Variants in FHAD1 observed in about 807,000 individuals in gnomAD.
FHAD1 encodes the protein forkhead-associated domain-containing protein 1.
A neutral mutation model predicts 191.3 loss-of-function variants in FHAD1; 146 were observed. The observed-to-expected ratio is 0.76, with a 90% CI of 0.67 to 0.88. FHAD1 has a LOEUF of 0.88. Among genes scored for constraint, FHAD1 ranks in the 40% least tolerant of loss-of-function variants. The pLI is 0.00. For synonymous variants in FHAD1, 616 were observed against 672.3 expected (o/e 0.92, Z 1.29); for missense variants, 1,635 against 1,785.8 (o/e 0.92, Z 1.52).
At chr1:15,379,656 C>G (rs1379205221) in intron 28 of FHAD1, among the ~76,000 whole-genome samples, 2 of 152,342 alleles carry the variant, frequency 1.3e-5, no homozygotes, top group East Asian at 3.9e-4. Flanking sequence ...TGGACAATAC[C>G]TGGCTTTCCT....
chr1:15,287,803 G>A (rs1927180), intron 3 of FHAD1, among the ~76,000 whole-genome samples: 2,594 of 152,238 alleles, frequency 0.017, 101 homozygotes, highest in East Asian at 0.14. Flanking sequence ...CTGCAGCTTG[G>A]AGATTAGGAT....
At chr1:15,356,138 T>C (rs1306299172) in intron 20 of FHAD1, among the ~76,000 whole-genome samples, 2 of 152,196 alleles carry the variant, frequency 1.3e-5, no homozygotes, top group Non-Finnish European at 2.9e-5. Context: ...CTGCTTCGGA[T>C]GCTATTTTTG....
At chr1:15,386,849 C>T (rs1178438702) in intron 31 of FHAD1, among the ~76,000 whole-genome samples, 1 of 144,232 alleles carries the variant, frequency 6.9e-6, no homozygotes, top group African/African-American at 2.6e-5. Flanking sequence ...TCCTTTCTTT[C>T]TTTTTTTTTT....
intron 26 of FHAD1, among the ~76,000 whole-genome samples, chr1:15,371,567 A>AG (rs1389709384): frequency 1.3e-5 from 2 of 152,218 alleles, no homozygotes; most frequent in African/African-American, 4.8e-5. Flanking sequence ...GGTACCCCTC[A>AG]GGCCAAGCAC....
intron 8 of FHAD1, 86 bp downstream of exon 8, chr1:15,313,273 C>A: frequency 7.9e-7 from 1 of 1,258,306 alleles, no homozygotes; most frequent in Non-Finnish European, 1.0e-6. Flanking sequence ...TTTCATTCAC[C>A]CTGGGCCCTT....
chr1:15,366,635 G>C (rs1696573760), intron 24 of FHAD1, among the ~76,000 whole-genome samples: 1 of 152,226 alleles, frequency 6.6e-6, no homozygotes, highest in Admixed American at 6.5e-5. Context: ...CCTAGGGCAA[G>C]GGGGCCTCTC....
At chr1:15,333,514 C>G (rs933566946) in intron 14 of FHAD1, among the ~76,000 whole-genome samples, 1 of 152,096 alleles carries the variant, frequency 6.6e-6, no homozygotes, top group Non-Finnish European at 1.5e-5. Context: ...ATAATTTGCC[C>G]ATTTTCCTCA....
intron 18 of FHAD1, among the ~76,000 whole-genome samples, chr1:15,346,841 T>C (rs1443397753): frequency 1.3e-5 from 2 of 152,200 alleles, no homozygotes; most frequent in Non-Finnish European, 2.9e-5. Context: ...GCCTCCCTTC[T>C]CGAAGGGGCG....
chr1:15,363,520 T>C (rs1320379318), intron 23 of FHAD1, among the ~76,000 whole-genome samples: 1 of 152,226 alleles, frequency 6.6e-6, no homozygotes, highest in Non-Finnish European at 1.5e-5. Context: ...AGTAAGGCTG[T>C]ACATGCCTAG....
At chr1:15,375,377 C>A (rs1430890055) in intron 27 of FHAD1, among the ~76,000 whole-genome samples, 1 of 152,122 alleles carries the variant, frequency 6.6e-6, no homozygotes, top group Non-Finnish European at 1.5e-5. Context: ...CAAAGTCCAC[C>A]CTCAATGGTC....
At chr1:15,296,656 T>C in intron 4 of FHAD1, 28 bp from the exon 5 acceptor site, 1 of 1,537,744 alleles carries the variant, frequency 6.5e-7, no homozygotes, top group Non-Finnish European at 8.8e-7. Flanking sequence ...TGATGTCTTT[T>C]GTGCTCTCTG....
intron 31 of FHAD1, among the ~76,000 whole-genome samples, chr1:15,386,501 G>A (rs1702116402): frequency 6.6e-6 from 1 of 152,254 alleles, no homozygotes; most frequent in African/African-American, 2.4e-5. Context: ...GTTGCCCTTG[G>A]AGAAGGATGC....
chr1:15,377,310 G>A (rs1203579937), intron 28 of FHAD1, among the ~76,000 whole-genome samples: 1 of 152,154 alleles, frequency 6.6e-6, no homozygotes, highest in Non-Finnish European at 1.5e-5. Context: ...CCCTGAGGGT[G>A]GGAGTGGAGG....
chr1:15,292,696 A>G (rs1007013822), intron 4 of FHAD1, among the ~76,000 whole-genome samples: 1 of 152,182 alleles, frequency 6.6e-6, no homozygotes, highest in Non-Finnish European at 1.5e-5. Context: ...CAGAGGAAAG[A>G]CCATGTGAGG....
intron 32 of FHAD1, among the ~76,000 whole-genome samples, chr1:15,389,449 A>G (rs1703263744): frequency 7.0e-6 from 1 of 142,118 alleles, no homozygotes; most frequent in Non-Finnish European, 1.5e-5. Context: ...ACCTGTCTCA[A>G]AAAAAAAAAA....
chr1:15,286,757 A>T (rs1161892896), intron 3 of FHAD1, among the ~76,000 whole-genome samples: 1 of 152,238 alleles, frequency 6.6e-6, no homozygotes, highest in East Asian at 1.9e-4. Context: ...AATCTCCAAA[A>T]GATGCTGAGT....
At chr1:15,380,830 C>A in intron 29 of FHAD1, 34 bp downstream of exon 29, 1 of 1,528,134 alleles carries the variant, frequency 6.5e-7, no homozygotes, top group Non-Finnish European at 8.9e-7. Context: ...TGCTCCTATC[C>A]AAAGCCTGGG....
intron 18 of FHAD1, among the ~76,000 whole-genome samples, chr1:15,347,873 T>A (rs1689480974): frequency 6.6e-6 from 1 of 152,236 alleles, no homozygotes; most frequent in African/African-American, 2.4e-5. Context: ...GTTGTGAACT[T>A]GGAAGCACAG....
chr1:15,255,120 T>TAAAAAAAAAAAAAAAAAAAA (rs55969718), intron 2 of FHAD1, among the ~76,000 whole-genome samples: 2 of 147,764 alleles, frequency 1.4e-5, no homozygotes, highest in Non-Finnish European at 1.5e-5. Context: ...TCAGGAATCT[T>TAAAAAAAAAAAAAAAAAAAA]AAAAAAGTCA....
Sources: gnomAD v4.1 joint callset for allele counts (sites outside exome capture counted in the v4.1 genomes callset) on GRCh38, gnomAD v4.1.1 for gene constraint, MANE v1.5 for transcripts, NCBI Gene and HGNC (gene_info 2026-07-23, HGNC 2026-07-21) for gene names.